Variants in ITSN2 observed in about 807,000 individuals in gnomAD.
ITSN2 encodes the protein intersectin-2.
Under a neutral mutation model 243.7 loss-of-function variants are expected in ITSN2, and 156 were observed. The ratio of observed to expected loss-of-function variants is 0.64; its 90% CI spans 0.56 to 0.73. ITSN2 has a LOEUF of 0.73. Among genes scored for constraint, ITSN2 ranks in the 30% least tolerant of loss-of-function variants. The pLI is 0.00. For synonymous variants in ITSN2, 703 were observed against 699.9 expected, an observed-to-expected ratio of 1.00 and a Z score of -0.07; for missense variants, 1,801 against 1,996.1, an observed-to-expected ratio of 0.90 and a Z score of 1.86.
intron 17 of ITSN2, among the ~76,000 whole-genome samples, chr2:24,279,889 T>C (rs1678544127): frequency 6.6e-6 from 1 of 152,038 alleles, no homozygotes; most frequent in Middle Eastern, 3.4e-3. Flanking sequence ...TCTGCCACCA[T>C]GCCCGGCTAA....
chr2:24,203,473 C>T lies in ITSN2; in HGVS notation c.*153G>A. The T allele has an allele frequency of 1.5e-6, 1 of 688,162 alleles. No homozygotes were observed. Among genetic ancestry groups the T allele is most frequent in the Non-Finnish European group, 2.4e-6 (1 of 421,072 alleles). 42.6% of individuals were successfully genotyped at this position (688,162 alleles called of 1,614,324 possible). A position where few individuals can be genotyped will look rare whatever the true frequency, so the allele number is the denominator to read the frequency against. ...GAAAGGTGTTTGCATAGATTGCTAG[C>T]TATTTAGTGTGCAGGAAAACAGAGC... On this transcript the variant is annotated 3_prime_UTR_variant, in exon 40 of 40. Coordinates refer to ENST00000355123, the MANE Select transcript of ITSN2 (RefSeq NM_006277.3).
At chr2:24,270,374 T>C (rs1050387751) in intron 20 of ITSN2, among the ~76,000 whole-genome samples, 1 of 152,222 alleles carries the variant, frequency 6.6e-6, no homozygotes, top group Non-Finnish European at 1.5e-5. Context: ...CTGTATGGCA[T>C]AGCAGAAACA....
intron 2 of ITSN2, among the ~76,000 whole-genome samples, chr2:24,324,101 G>A (rs1460247475): frequency 6.6e-6 from 1 of 152,164 alleles, no homozygotes; most frequent in Non-Finnish European, 1.5e-5. Context: ...GCGTGGTGGT[G>A]AGCGCCTGTA....
intron 28 of ITSN2, 75 bp downstream of exon 28, chr2:24,246,722 T>C (rs554466385): frequency 5.9e-6 from 5 of 852,692 alleles, no homozygotes; most frequent in African/African-American, 1.7e-5. Context: ...TTTCCAAAGA[T>C]TGAGCTAATC....
chr2:24,243,327 C>T (rs1374696528), intron 29 of ITSN2, among the ~76,000 whole-genome samples: 1 of 152,030 alleles, frequency 6.6e-6, no homozygotes, highest in Non-Finnish European at 1.5e-5. Flanking sequence ...TCAAGTAATA[C>T]CAAATGATGA....
intron 2 of ITSN2, among the ~76,000 whole-genome samples, chr2:24,323,618 A>G (rs1558628231): frequency 6.6e-6 from 1 of 152,204 alleles, no homozygotes; most frequent in Non-Finnish European, 1.5e-5. Context: ...AGGTGATGCA[A>G]ATGTTTTATA....
intron 4 of ITSN2, 127 bp downstream of exon 4, chr2:24,313,333 C>T (rs1363131475): frequency 1.5e-6 from 1 of 688,494 alleles, no homozygotes; most frequent in Non-Finnish European, 2.4e-6. Context: ...CCTCAGACTC[C>T]CAAAGTGCTG....
At position 24,203,714 on chromosome 2, in the gene ITSN2, G is replaced by A. The variant is rs1263801948; in HGVS notation, c.5006C>T (p.Thr1669Ile). 1.2e-6 allele frequency: 2 copies of A among 1,614,176 alleles called. No homozygotes were observed. The highest frequency in any genetic ancestry group is 1.7e-6 in the Non-Finnish European group (2 of 1,180,032). Residue 1669 changes from threonine to isoleucine, a missense_variant, in exon 40 of 40, where the codon ACC becomes ATC. Physicochemically the swap from Thr to Ile is moderately conservative, Grantham distance 89. This residue lies in a region of ITSN2 where 928 missense variants were observed against 1,065.4 expected (regional missense o/e 0.87). Coordinates refer to ENST00000355123, the MANE Select transcript of ITSN2 (RefSeq NM_006277.3). Reference protein sequence around the residue: ...RTEQESKGPMTRRLLLHEVPT... With the variant: ...RTEQESKGPMIRRLLLHEVPT... The stretch of plus-strand genomic sequence containing the variant: ...GACCTCATGCAGCAGCAGTCGGCGG[G>A]TCATAGGGCCTTTGCTTTCCTGTTC...
intron 2 of ITSN2, among the ~76,000 whole-genome samples, chr2:24,320,100 C>T (rs1047959765): frequency 2.6e-5 from 4 of 152,092 alleles, no homozygotes; most frequent in African/African-American, 9.7e-5. Context: ...AAGGAGAGGC[C>T]GGACATGGTG....
chr2:24,288,680 T>G (rs914291517), intron 15 of ITSN2, among the ~76,000 whole-genome samples: 1 of 152,168 alleles, frequency 6.6e-6, no homozygotes, highest in South Asian at 2.1e-4. Context: ...GTGAAAACAC[T>G]TAAAATCTAT....
intron 1 of ITSN2, among the ~76,000 whole-genome samples, chr2:24,337,842 C>A (rs1295385630): frequency 6.6e-6 from 1 of 152,074 alleles, no homozygotes; most frequent in Non-Finnish European, 1.5e-5. Flanking sequence ...CCACTCCCAG[C>A]ATGTGCTAGG....
intron 15 of ITSN2, among the ~76,000 whole-genome samples, chr2:24,290,390 G>A (rs1156698990): frequency 4.6e-5 from 7 of 152,076 alleles, no homozygotes; most frequent in African/African-American, 1.7e-4. Flanking sequence ...CTATTGGGCT[G>A]TCTTAATTTT....
At chr2:24,328,310 C>T (rs1685381315) in intron 1 of ITSN2, among the ~76,000 whole-genome samples, 195 bp from the exon 2 acceptor site, 1 of 152,088 alleles carries the variant, frequency 6.6e-6, no homozygotes, top group Admixed American at 6.6e-5. Flanking sequence ...GGTAATCGTG[C>T]TGCCTTAATA....
intron 20 of ITSN2, among the ~76,000 whole-genome samples, chr2:24,263,968 A>C (rs955916454): frequency 3.3e-5 from 5 of 152,222 alleles, no homozygotes; most frequent in African/African-American, 1.2e-4. Flanking sequence ...TTTTTTAACA[A>C]TGGCTTATGG....
chr2:24,265,838 C>T (rs1676594774), intron 20 of ITSN2, among the ~76,000 whole-genome samples: 2 of 152,168 alleles, frequency 1.3e-5, no homozygotes, highest in African/African-American at 4.8e-5. Flanking sequence ...TTAAGGTATT[C>T]TCTTCTGCCC....
intron 36 of ITSN2, 43 bp from the exon 37 acceptor site, chr2:24,208,362 C>G: frequency 6.8e-7 from 1 of 1,473,572 alleles, no homozygotes; most frequent in Non-Finnish European, 9.5e-7. Flanking sequence ...ATCCCACCCT[C>G]ACAGGTCAGC....
At chr2:24,210,634 A>T (rs12994715) in intron 34 of ITSN2, 146 bp downstream of exon 34, 3 of 591,714 alleles carry the variant, frequency 5.1e-6, no homozygotes, top group Non-Finnish European at 8.3e-6. Flanking sequence ...AAAAAAAAAA[A>T]GAAAAAAAAA....
At position 24,300,169 on chromosome 2, in the gene ITSN2, T is replaced by C. The variant is rs1194705800; in HGVS notation, c.1084A>G (p.Thr362Ala). 7 of 1,614,142 alleles carry C rather than the reference T, an allele frequency of 4.3e-6. No homozygotes were observed. The highest frequency in any genetic ancestry group is 5.9e-6 in the Non-Finnish European group (7 of 1,180,010). Residue 362 changes from threonine to alanine, a missense_variant and splice_region_variant, in exon 12 of 40, where the codon ACT becomes GCT. Thr to Ala is a moderately conservative substitution (Grantham distance 58). Around this residue, in one of 5 missense-constraint regions of ITSN2, gnomAD observed 787 missense variants for 803.9 expected, o/e 0.98. Transcript: ENST00000355123. ...EEEPQKKLPV[T>A]FEDKRKANYE... Reference sequence around the variant, plus strand: ...TTGGCTTTCCGTTTGTCCTCAAAAGTAACTGAACAAGGTATGCCTATCAGC... The same window carrying C: ...TTGGCTTTCCGTTTGTCCTCAAAAGCAACTGAACAAGGTATGCCTATCAGC...
chr2:24,343,873 T>TTTA (rs1687281973), intron 1 of ITSN2, among the ~76,000 whole-genome samples: 1 of 152,196 alleles, frequency 6.6e-6, no homozygotes, highest in Non-Finnish European at 1.5e-5. Flanking sequence ...ATAAATGTAA[T>TTTA]TTATAAGCAC....
Sources: allele counts gnomAD v4.1 joint callset (sites outside exome capture counted in the v4.1 genomes callset), GRCh38; gene constraint gnomAD v4.1.1; regional missense constraint gnomAD v4.1.1; transcripts MANE v1.5; gene names NCBI Gene and HGNC (gene_info 2026-07-23, HGNC 2026-07-21).